The following SERPINF2 variants were observed in gnomAD, a reference collection of about 807,000 sequenced individuals.
SERPINF2 encodes the protein serpin family F member 2, also known as alpha-2-antiplasmin.
SERPINF2 carries 15 observed loss-of-function variants against 45.0 expected under a neutral mutation model. The ratio of observed to expected loss-of-function variants is 0.33; its 90% CI spans 0.22 to 0.51. The LOEUF (loss-of-function observed/expected upper bound fraction) is 0.51, where lower values mean the gene tolerates loss of function less well. Among genes scored for constraint, SERPINF2 ranks in the 20% least tolerant of loss-of-function variants. The probability of loss-of-function intolerance (pLI) is 0.97; values close to 1 mark genes in which losing one functional copy is unlikely to be tolerated. For missense variants in SERPINF2, 518 were observed against 637.4 expected (o/e 0.81, Z 2.02); for synonymous variants, 283 against 277.9 (o/e 1.02, Z -0.18).
intron 5 of SERPINF2, among the ~76,000 whole-genome samples, 182 bp downstream of exon 5, chr17:1,746,091 G>A (rs188245762): frequency 1.3e-4 from 20 of 152,240 alleles, no homozygotes; most frequent in Non-Finnish European, 2.1e-4. Flanking sequence ...AGGCTGAGGC[G>A]GGTGGATCAC....
Position 1,753,089 on chromosome 17 carries a change from G to A in SERPINF2, c.1063+299G>A, listed in dbSNP as rs142543964. ...TCGCTGGCTTCCCTGGAAGGGGAAG[G>A]AGGAGAAGCTGGGGTGTCACACTGT... On this transcript the variant is annotated intron_variant, in intron 9 of 9. Transcript: ENST00000453066. Among the ~76,000 whole-genome samples, 353 of 152,338 alleles carry A rather than the reference G, an allele frequency of 2.3e-3. 1 individual carries two copies. Among genetic ancestry groups the A allele is most frequent in the African/African-American group, 7.4e-3 (307 of 41,574 alleles).
At chr17:1,752,984 G>C (rs985313903) in intron 9 of SERPINF2, among the ~76,000 whole-genome samples, 194 bp downstream of exon 9, 1 of 152,240 alleles carries the variant, frequency 6.6e-6, no homozygotes, top group Non-Finnish European at 1.5e-5. Context: ...GTGGCCCGGG[G>C]AATGGGGCTC....
At chr17:1,754,077 T>G (rs1906622369) in intron 9 of SERPINF2, 45 bp from the exon 10 acceptor site, 3 of 1,597,938 alleles carry the variant, frequency 1.9e-6, no homozygotes, top group Middle Eastern at 4.1e-4. Flanking sequence ...CAGGAGCCTG[T>G]GAGGCCAAGG....
At position 1,749,100 on chromosome 17, in the gene SERPINF2, C is replaced by T. The variant is rs565847856; in HGVS notation, c.858+360C>T. 6.6e-5 allele frequency among the ~76,000 whole-genome samples: 10 copies of T among 152,298 alleles called. No homozygotes were observed. The South Asian group carries it at 8.3e-4, about 13-fold the overall frequency. ...TGGACATCAACACAGGAATTCCAGA[C>T]GCTGGGAAGCGCTGTGGAGGGAAAG... On this transcript the variant is annotated intron_variant, in intron 8 of 9. Coordinates refer to ENST00000453066, the MANE Select transcript of SERPINF2 (RefSeq NM_000934.4).
chr17:1,748,115 C>T (rs955122988), intron 7 of SERPINF2, among the ~76,000 whole-genome samples: 25 of 151,870 alleles, frequency 1.6e-4, no homozygotes, highest in African/African-American at 5.1e-4. Context: ...CTGGCTAACA[C>T]GGTGAAACCC....
In SERPINF2 at chr17:1,754,810, A is replaced by G; in HGVS notation, c.*276A>G. The G allele has an allele frequency of 3.9e-6, 2 of 511,444 alleles. No homozygotes were observed. The highest frequency in any genetic ancestry group is 1.9e-5 in the African/African-American group (1 of 51,622). The allele number at this position is 511,444 out of a possible 1,614,324, so 31.7% of individuals were successfully genotyped here. ...GCCTGGGCAGGAGGGAGGTGCTTCTAGTTCTGCCAGGAGACAGGTTAGCTG... is the reference window on the plus strand; with the variant it reads ...GCCTGGGCAGGAGGGAGGTGCTTCTGGTTCTGCCAGGAGACAGGTTAGCTG... On this transcript the variant is annotated 3_prime_UTR_variant, in exon 10 of 10. Coordinates refer to ENST00000453066, the MANE Select transcript of SERPINF2 (RefSeq NM_000934.4).
chr17:1,747,574 T>A (rs939966779), intron 7 of SERPINF2, 62 bp downstream of exon 7: 1 of 1,552,654 alleles, frequency 6.4e-7, no homozygotes. Flanking sequence ...TGCAGGCCTT[T>A]TTGTTTTTTG....
rs542966562 is a variant in SERPINF2 at position 1,748,864 on chromosome 17, T to C, written c.858+124T>C. ...TCGCCTTCCTTGCCTCCACGTCCCC[T>C]AGGCAGGCAACTGCAAAAGGTCCCA... is the stretch of plus-strand genomic sequence containing the variant. On this transcript the variant is annotated intron_variant, in intron 8 of 9. Coordinates refer to ENST00000453066, the MANE Select transcript of SERPINF2 (RefSeq NM_000934.4). The C allele has an allele frequency of 2.9e-5, 22 of 749,592 alleles. No homozygotes were observed. The African/African-American group carries it at 3.7e-4, about 13-fold the overall frequency. The allele number at this position is 749,592 out of a possible 1,614,324, so 46.4% of individuals were successfully genotyped here.
rs751675412 is a variant in SERPINF2 at position 1,754,178 on chromosome 17, G to A, written c.1120G>A (p.Val374Met). Residue 374 changes from valine to methionine, a missense_variant, in exon 10 of 10, where the codon GTG (valine) becomes ATG (methionine). Physicochemically the swap from Val to Met is conservative, Grantham distance 21. Around this residue, in one of 2 missense-constraint regions of SERPINF2, gnomAD observed 435 missense variants for 577.3 expected, o/e 0.75. Coordinates refer to ENST00000453066, the MANE Select transcript of SERPINF2 (RefSeq NM_000934.4). ...GCGTGGGATCTCCGAGCAGAGCCTG[G>A]TGGTGTCCGGCGTGCAGCATCAGTC... is the stretch of plus-strand genomic sequence containing the variant. ...DLRGISEQSL[V>M]VSGVQHQSTL... The A allele has an allele frequency of 1.2e-6, 2 of 1,611,954 alleles. No homozygotes were observed. Among genetic ancestry groups the A allele is most frequent in the African/African-American group, 2.7e-5 (2 of 74,940 alleles).
chr17:1,752,984 G>A (rs985313903), intron 9 of SERPINF2, among the ~76,000 whole-genome samples, 194 bp downstream of exon 9: 1 of 152,240 alleles, frequency 6.6e-6, no homozygotes, highest in Admixed American at 6.5e-5. Context: ...GTGGCCCGGG[G>A]AATGGGGCTC....
intron 8 of SERPINF2, 28 bp downstream of exon 8, chr17:1,748,768 G>A: frequency 7.7e-6 from 9 of 1,164,956 alleles, no homozygotes; most frequent in Non-Finnish European, 1.2e-5. Context: ...AGCAGGCTGG[G>A]CCTGAGGCTG....
At chr17:1,748,512 C>T in intron 7 of SERPINF2, 86 bp from the exon 8 acceptor site, 4 of 1,567,570 alleles carry the variant, frequency 2.6e-6, no homozygotes, top group East Asian at 2.2e-5. Flanking sequence ...GTGCAGAGCC[C>T]AAGCTGGTCC....
chr17:1,748,635 G>C lies in SERPINF2; in HGVS notation c.753G>C (p.Gln251His), dbSNP rs1261500294. The change falls in exon 8 of 10, where the codon CAG (glutamine) becomes CAC (histidine). Residue 251 changes from glutamine to histidine, a missense_variant. Gln to His is a conservative substitution (Grantham distance 24, BLOSUM62 0). Transcript: ENST00000453066. Reference protein sequence around the residue: ...WRNKFDPSLTQRDSFHLDEQF... With the variant: ...WRNKFDPSLTHRDSFHLDEQF... The stretch of plus-strand genomic sequence containing the variant: ...ACAAGTTTGACCCGAGCCTTACCCA[G>C]AGAGACTCCTTCCACCTGGACGAGC... 6.2e-7 allele frequency: 1 copy of C among 1,614,108 alleles called. No individual in the cohort carries two copies. The highest frequency in any genetic ancestry group is 1.3e-5 in the African/African-American group (1 of 75,078).
Position 1,747,200 on chromosome 17 carries a change from C to A in SERPINF2, c.511+38C>A, listed in dbSNP as rs373976203. The A allele has an allele frequency of 1.9e-6, 3 of 1,611,398 alleles. No individual in the cohort carries two copies. In the South Asian group the frequency reaches 3.3e-5, roughly 18 times the overall value. On this transcript the variant is annotated intron_variant, in intron 6 of 9. Transcript: ENST00000453066. ...GGCAGGGAGCTCCCTCAGTCCTGCC[C>A]TGGGTGGAGGAGGGTGAGAGCAAGG...
rs554705175 is a variant in SERPINF2, at chr17:1,746,266, G to A, written c.367+357G>A. Among the ~76,000 whole-genome samples, 3 of 151,996 alleles carry A rather than the reference G, an allele frequency of 2.0e-5. No individual in the cohort carries two copies. The East Asian group carries it at 5.9e-4, about 30-fold the overall frequency. On this transcript the variant is annotated intron_variant, in intron 5 of 9. Coordinates refer to ENST00000453066, the MANE Select transcript of SERPINF2 (RefSeq NM_000934.4). ...TGGGAGTTGGAGGTTACAGTGAGCC[G>A]AGATGGCGCCACTGCACTCCAGCCT...
intron 8 of SERPINF2, 64 bp from the exon 9 acceptor site, chr17:1,752,522 G>A (rs1906489425): frequency 1.3e-6 from 2 of 1,484,996 alleles, no homozygotes; most frequent in African/African-American, 2.8e-5. Flanking sequence ...AGCACCTGCT[G>A]GCCCCACCCC....
At chr17:1,748,195 G>A (rs62091360) in intron 7 of SERPINF2, among the ~76,000 whole-genome samples, 35,154 of 151,666 alleles carry the variant, frequency 0.23, 5,059 homozygotes, top group East Asian at 0.5. Flanking sequence ...CAGCTACTCG[G>A]GAGGCTGAGG....
chr17:1,747,540 C>G, intron 7 of SERPINF2, 28 bp downstream of exon 7: 3 of 1,607,848 alleles, frequency 1.9e-6, no homozygotes, highest in Non-Finnish European at 2.6e-6. Flanking sequence ...TCAGATCCCC[C>G]ACCCTGTAGG....
Position 1,745,248 on chromosome 17 carries a change from G to T in SERPINF2, c.102+35G>T, listed in dbSNP as rs770737376. On this transcript the variant is annotated intron_variant, in intron 3 of 9. Transcript: ENST00000453066. The surrounding 1 kb of genome is among the most constrained non-coding windows in gnomAD (Gnocchi z 6.2). ...AGTGAGGAGCCTGTGATGGGGGGAA[G>T]GTCCCGGGGGTCTCACTGGTGGCTT... 6 of 1,587,734 alleles carry T rather than the reference G, an allele frequency of 3.8e-6. No homozygotes were observed. Among genetic ancestry groups the T allele is most frequent in the Non-Finnish European group, 5.1e-6 (6 of 1,167,806 alleles).
Sources: gnomAD v4.1 joint callset for allele counts (sites outside exome capture counted in the v4.1 genomes callset) on GRCh38, gnomAD v4.1.1 for gene constraint, gnomAD v4.1.1 regional missense constraint, Gnocchi (gnomAD v3.1) non-coding constraint, MANE v1.5 for transcripts, NCBI Gene and HGNC (gene_info 2026-07-23, HGNC 2026-07-21) for gene names.